The following AFF3 variants were observed in gnomAD, a reference collection of about 807,000 sequenced individuals.
The protein encoded by AFF3 is ALF transcription elongation factor 3.
AFF3 carries 32 observed loss-of-function variants against 129.7 expected under a neutral mutation model. That is an observed-to-expected ratio of 0.25 (90% CI 0.19 to 0.33). The LOEUF is 0.33. Ranked by LOEUF, AFF3 falls within the 10% of genes least tolerant of loss-of-function variation. AFF3 has a pLI of 1.00. For missense variants in AFF3, 1,373 were observed against 1,592.0 expected (o/e 0.86, Z 2.34); for synonymous variants, 644 against 635.4 (o/e 1.01, Z -0.20).
chr2:100,046,878 G>A (rs1043040193), intron 4 of AFF3, among the ~76,000 whole-genome samples: 7 of 151,558 alleles, frequency 4.6e-5, no homozygotes, highest in Non-Finnish European at 1.0e-4. Context: ...GACAAAGAAA[G>A]TTCAACCGTC....
chr2:99,821,034 G>A (rs1200645334), intron 8 of AFF3, among the ~76,000 whole-genome samples: 9 of 151,846 alleles, frequency 5.9e-5, no homozygotes, highest in African/African-American at 1.9e-4. Flanking sequence ...CACCATGCCT[G>A]TCTGATTTTT....
intron 4 of AFF3, among the ~76,000 whole-genome samples, chr2:100,076,663 T>A (rs904550553): frequency 6.6e-6 from 1 of 152,200 alleles, no homozygotes; most frequent in Non-Finnish European, 1.5e-5. Flanking sequence ...CCCCAACATG[T>A]AGTTCTTTTT....
In AFF3 at chr2:99,850,042, G is replaced by A. The variant is rs1004675803; in HGVS notation, c.874-12518C>T. The stretch of plus-strand genomic sequence containing the variant: ...AGTAAAATAATAAATAAATTATAAA[G>A]TATAGTAGAATATGGAATGTTATAG... On this transcript the variant is annotated intron_variant, in intron 7 of 24. Coordinates refer to ENST00000672756, the MANE Select transcript of AFF3 (RefSeq NM_001386135.1). Among the ~76,000 whole-genome samples the A allele has an allele frequency of 2.0e-5, 3 of 152,306 alleles. 1 individual carries two copies. In the South Asian group the frequency reaches 6.2e-4, roughly 32 times the overall value.
intron 8 of AFF3, among the ~76,000 whole-genome samples, chr2:99,793,300 C>T (rs1488240233): frequency 2.6e-5 from 4 of 152,342 alleles, no homozygotes; most frequent in East Asian, 3.9e-4. Flanking sequence ...TCGCCAGAAG[C>T]GAATGCTAGC....
chr2:100,075,585 C>T (rs1559107808), intron 4 of AFF3, among the ~76,000 whole-genome samples: 1 of 151,984 alleles, frequency 6.6e-6, no homozygotes, highest in Non-Finnish European at 1.5e-5. Flanking sequence ...CCAGAATAAT[C>T]CCATTTCTAG....
At chr2:99,750,047 T>C (rs1681500777) in intron 9 of AFF3, among the ~76,000 whole-genome samples, 1 of 152,140 alleles carries the variant, frequency 6.6e-6, no homozygotes, top group African/African-American at 2.4e-5. Context: ...AGAATTAGAA[T>C]AAAATAGAGG....
intron 12 of AFF3, among the ~76,000 whole-genome samples, chr2:99,654,745 G>A (rs1685593710): frequency 6.6e-6 from 1 of 152,106 alleles, no homozygotes; most frequent in Non-Finnish European, 1.5e-5. Flanking sequence ...CAGTCTATGA[G>A]ACAAAACATG....
intron 9 of AFF3, among the ~76,000 whole-genome samples, chr2:99,747,990 C>G (rs915436480): frequency 1.3e-5 from 2 of 152,026 alleles, no homozygotes; most frequent in African/African-American, 4.8e-5. Flanking sequence ...CCAGGCCACT[C>G]CCACATTTTA....
At chr2:100,111,783 A>G (rs561610345) in intron 2 of AFF3, among the ~76,000 whole-genome samples, 12 of 152,358 alleles carry the variant, frequency 7.9e-5, no homozygotes, top group African/African-American at 2.9e-4. Flanking sequence ...TTAGAACCCT[A>G]TAATAAGATC....
chr2:100,056,360 T>G (rs990959082), intron 4 of AFF3, among the ~76,000 whole-genome samples: 5 of 152,192 alleles, frequency 3.3e-5, no homozygotes, highest in African/African-American at 1.2e-4. Context: ...TGCTTAATAT[T>G]GCTTCTAGAA....
chr2:99,982,530 A>G (rs1444339204), intron 7 of AFF3, among the ~76,000 whole-genome samples: 1 of 152,224 alleles, frequency 6.6e-6, no homozygotes, highest in East Asian at 1.9e-4. Flanking sequence ...TGACCAAACC[A>G]AAAGAACATA....
chr2:99,648,911 A>ACTCT (rs1310405470), intron 13 of AFF3, among the ~76,000 whole-genome samples: 3 of 36,238 alleles, frequency 8.3e-5, no homozygotes, highest in African/African-American at 1.3e-4. Context: ...ACACACACAC[A>ACTCT]CACACACTCT....
chr2:99,885,338 GC>G (rs1209070529), intron 7 of AFF3, among the ~76,000 whole-genome samples: 47 of 152,200 alleles, frequency 3.1e-4, no homozygotes, highest in African/African-American at 1.1e-3. Flanking sequence ...TGCTTGATAT[GC>G]ATTCCCTCCT....
rs979636427 is a variant in AFF3, at chr2:99,547,435, T to C, written c.*4039A>G. On this transcript the variant is annotated 3_prime_UTR_variant, in exon 25 of 25. Coordinates refer to ENST00000672756, the MANE Select transcript of AFF3 (RefSeq NM_001386135.1). ...CTAAAGTCTCTTGGGAATCTACAAA[T>C]AGGAAATCACACGCAGATTACTGGG... The C allele has an allele frequency of 9.3e-6, 2 of 214,024 alleles. No homozygotes were observed. Among genetic ancestry groups the C allele is most frequent in the Non-Finnish European group, 1.9e-5 (2 of 106,222 alleles). The allele number at this position is 214,024 out of a possible 1,614,324, so 13.3% of individuals were successfully genotyped here. A position where few individuals can be genotyped will look rare whatever the true frequency, so the allele number is the denominator to read the frequency against.
At chr2:100,111,844 T>A (rs974455578) in intron 2 of AFF3, among the ~76,000 whole-genome samples, 1 of 152,246 alleles carries the variant, frequency 6.6e-6, no homozygotes, top group African/African-American at 2.4e-5. Flanking sequence ...CTAGCTAACC[T>A]GCTACCCATT....
chr2:99,811,419 G>GT lies in AFF3; in HGVS notation c.921+26057_921+26058insA, dbSNP rs1553458245. On this transcript the variant is annotated intron_variant, in intron 8 of 24. Coordinates refer to ENST00000672756, the MANE Select transcript of AFF3 (RefSeq NM_001386135.1). ...GTAAACTGAGGCACAGAGGTTTTTTGGTTTTTTTTTCCCTTAAGGACAGAA... is the reference window on the plus strand; with the variant it reads ...GTAAACTGAGGCACAGAGGTTTTTTGTGTTTTTTTTTCCCTTAAGGACAGAA... Among the ~76,000 whole-genome samples, 733 of 151,418 alleles carry GT rather than the reference G, an allele frequency of 4.8e-3. 6 individuals are homozygous for GT. The highest frequency in any genetic ancestry group is 7.9e-3 in the East Asian group (41 of 5,170).
At chr2:99,719,050 CT>C (rs554515502) in intron 11 of AFF3, among the ~76,000 whole-genome samples, 70 of 108,180 alleles carry the variant, frequency 6.5e-4, no homozygotes, top group Middle Eastern at 0.011. Context: ...CGCGCCCGGC[CT>C]TTTTTTTTTT....
chr2:99,649,603 T>C (rs1381386245), intron 13 of AFF3, 23 bp downstream of exon 13: 10 of 1,611,850 alleles, frequency 6.2e-6, no homozygotes, highest in Non-Finnish European at 8.5e-6. Context: ...CAATTTATAG[T>C]TCATAAAAAT....
intron 7 of AFF3, among the ~76,000 whole-genome samples, chr2:99,860,820 A>C (rs1410646406): frequency 6.6e-6 from 1 of 152,242 alleles, no homozygotes; most frequent in Admixed American, 6.5e-5. Flanking sequence ...TATTGTGTAA[A>C]GATGATCACA....
Sources: gnomAD v4.1 joint callset for allele counts (sites outside exome capture counted in the v4.1 genomes callset) on GRCh38, gnomAD v4.1.1 for gene constraint, MANE v1.5 for transcripts, NCBI Gene and HGNC (gene_info 2026-07-23, HGNC 2026-07-21) for gene names.